COG2: variants seen among roughly 807,000 people sequenced by gnomAD.
COG2 encodes conserved oligomeric Golgi complex subunit 2.
COG2 carries 52 observed loss-of-function variants against 90.6 expected under a neutral mutation model. That is an observed-to-expected ratio of 0.57 (90% CI 0.46 to 0.72). The LOEUF is 0.72. COG2 is among the 30% of genes least tolerant of loss of function. COG2 has a pLI of 0.00. For synonymous variants in COG2, 337 were observed against 320.4 expected (o/e 1.05, Z -0.55); for missense variants, 829 against 891.2 (o/e 0.93, Z 0.89).
Position 230,683,421 on chromosome 1 carries a change from A to C in COG2, c.1167-153A>C, listed in dbSNP as rs531366707. The C allele has an allele frequency of 3.7e-5, 21 of 564,442 alleles. 1 individual carries two copies. The highest frequency in any genetic ancestry group is 3.6e-4 in the African/African-American group (19 of 52,770). 35.0% of individuals were successfully genotyped at this position (564,442 alleles called of 1,614,324 possible). A position where few individuals can be genotyped will look rare whatever the true frequency, so the allele number is the denominator to read the frequency against. ...TTTCTTGTTCAGTTAAAAAAAAAAA[A>C]AAAAAAAAGCCTGGGAGAATAGGCA... On this transcript the variant is annotated intron_variant, in intron 10 of 17. Transcript: ENST00000366669.
chr1:230,686,883 C>A, intron 12 of COG2, 52 bp from the exon 13 acceptor site: 4 of 1,177,444 alleles, frequency 3.4e-6, no homozygotes, highest in Non-Finnish European at 4.8e-6. Flanking sequence ...TATATAAATG[C>A]TCATGTATCT....
intron 2 of COG2, 125 bp downstream of exon 2, chr1:230,659,750 A>C: frequency 1.1e-6 from 1 of 909,112 alleles, no homozygotes; most frequent in Non-Finnish European, 1.6e-6. Context: ...ATTTGAAGAG[A>C]TCCCTAATGT....
chr1:230,670,315 G>A (rs1178544130), intron 7 of COG2: 2 of 152,160 alleles, frequency 1.3e-5, no homozygotes, highest in Admixed American at 6.5e-5. Flanking sequence ...GCCCGTCCTC[G>A]GTGTTTGGGG....
rs780311801 is a variant in COG2, at chr1:230,687,020, A to G, written c.1466A>G (p.Gln489Arg). The G allele has an allele frequency of 3.7e-6, 6 of 1,611,868 alleles. No individual in the cohort carries two copies. Among genetic ancestry groups the G allele is most frequent in the Non-Finnish European group, 4.2e-6 (5 of 1,178,702 alleles). ...VTGSKEPSIT[Q>R]GNTEDQGSGP... is the part of the protein sequence containing the mutation. The stretch of plus-strand genomic sequence containing the variant: ...GGTAGCAAAGAACCTTCCATCACCC[A>G]AGGAAACACTGAAGACCAAGGAAGT... Residue 489 changes from glutamine (Q) to arginine (R), a missense_variant, in exon 13 of 18, where the codon CAA (glutamine) becomes CGA (arginine). Physicochemically the swap from Gln to Arg is conservative, Grantham distance 43. Coordinates refer to ENST00000366669, the MANE Select transcript of COG2 (RefSeq NM_007357.3).
intron 9 of COG2, among the ~76,000 whole-genome samples, chr1:230,675,527 C>G (rs192406584): frequency 2.7e-4 from 41 of 152,208 alleles, no homozygotes; most frequent in African/African-American, 6.3e-4. Flanking sequence ...TTTCCAGCAG[C>G]AAGTACAAAG....
In COG2 at chr1:230,669,337, TACCCA is replaced by T; in HGVS notation, c.595-18_595-14del. Reference sequence around the variant, plus strand: ...TTACAACTAGAGCTTTTTTTTTATTTACCCACCTTTTCTTGCAGCGTATAGCTGGC... The same window carrying T: ...TTACAACTAGAGCTTTTTTTTTATTTCCTTTTCTTGCAGCGTATAGCTGGC... On this transcript the variant is annotated splice_polypyrimidine_tract_variant and intron_variant, in intron 6 of 17. Coordinates refer to ENST00000366669, the MANE Select transcript of COG2 (RefSeq NM_007357.3). 3.2e-6 allele frequency: 5 copies of T among 1,587,242 alleles called. No individual in the cohort carries two copies. Among genetic ancestry groups the T allele is most frequent in the Admixed American group, 3.6e-5 (2 of 55,736 alleles).
At chr1:230,675,251 A>G (rs771335939) in intron 9 of COG2, 127 bp downstream of exon 9, 7 of 1,038,964 alleles carry the variant, frequency 6.7e-6, no homozygotes, top group Non-Finnish European at 9.3e-6. Flanking sequence ...TGCTAAGTGA[A>G]CATTTAACCT....
At position 230,642,611 on chromosome 1, in the gene COG2, A is replaced by T. The variant is rs1219480880; in HGVS notation, c.5A>T (p.Glu2Val). The T allele has an allele frequency of 6.2e-7, 1 of 1,611,930 alleles. No individual in the cohort carries two copies. The highest frequency in any genetic ancestry group is 1.7e-5 in the Admixed American group (1 of 59,870). ...TGAGAGGCGGTGGCCGGCGGGATGG[A>T]GAAAAGTAGGATGAACCTGCCCAAG... M[E>V]KSRMNLPKGP... The change falls in exon 1 of 18, where the codon GAG becomes GTG. Residue 2 changes from glutamate to valine, a missense_variant. Physicochemically the swap from Glu to Val is moderately radical, Grantham distance 121. Transcript: ENST00000366669.
Position 230,675,659 on chromosome 1 carries a change from T to C in COG2, c.1026+535T>C, listed in dbSNP as rs1662572159. On this transcript the variant is annotated intron_variant, in intron 9 of 17. Transcript: ENST00000366669. ...TATTTTATTATTACTATTACTATTT[T>C]TGAAACAGGGTCTTACTGTGTTGCC... Among the ~76,000 whole-genome samples, 9 of 152,196 alleles carry C rather than the reference T, an allele frequency of 5.9e-5. No individual in the cohort carries two copies. The South Asian group carries it at 1.9e-3, about 31-fold the overall frequency.
chr1:230,663,326 C>A, intron 4 of COG2, 105 bp downstream of exon 4: 2 of 598,002 alleles, frequency 3.3e-6, no homozygotes, highest in South Asian at 3.3e-5. Context: ...GATACCTTTG[C>A]AGAGAGGAGT....
intron 10 of COG2, 49 bp downstream of exon 10, chr1:230,679,101 T>C (rs1662670210): frequency 1.3e-6 from 2 of 1,546,652 alleles, no homozygotes; most frequent in Non-Finnish European, 1.8e-6. Context: ...TAAAACAGAA[T>C]TGGAATGCCA....
At position 230,654,745 on chromosome 1, in the gene COG2, A is replaced by G. The variant is rs546733748; in HGVS notation, c.73-4719A>G. On this transcript the variant is annotated intron_variant, in intron 1 of 17. Coordinates refer to ENST00000366669, the MANE Select transcript of COG2 (RefSeq NM_007357.3). Reference sequence around the variant, plus strand: ...ATCCATGAGCATGGAATGTTTTTCCATTTGTTTGTGTCCTCTCTTATTTCC... The same window carrying G: ...ATCCATGAGCATGGAATGTTTTTCCGTTTGTTTGTGTCCTCTCTTATTTCC... Among the ~76,000 whole-genome samples the G allele has an allele frequency of 1.8e-4, 27 of 152,266 alleles. No homozygotes were observed. The South Asian group carries it at 2.5e-3, about 14-fold the overall frequency.
intron 9 of COG2, chr1:230,678,351 T>C: frequency 6.1e-6 from 6 of 985,446 alleles, no homozygotes; most frequent in Non-Finnish European, 7.2e-6. Flanking sequence ...GGGGTCGTTT[T>C]GTGGGTTAAA....
At chr1:230,649,927 C>T (rs1661872367) in intron 1 of COG2, among the ~76,000 whole-genome samples, 1 of 152,148 alleles carries the variant, frequency 6.6e-6, no homozygotes, top group South Asian at 2.1e-4. Flanking sequence ...TTTATGTCCA[C>T]ATATACCCAT....
At chr1:230,665,056 A>C (rs1384937251) in intron 5 of COG2, among the ~76,000 whole-genome samples, 1 of 152,232 alleles carries the variant, frequency 6.6e-6, no homozygotes, top group Non-Finnish European at 1.5e-5. Flanking sequence ...AAATAAGCAA[A>C]AGATGACTGT....
rs898482785 is a variant in COG2, at chr1:230,685,115, A to G, written c.1259A>G (p.His420Arg). The change falls in exon 12 of 18, where the codon CAT (histidine) becomes CGT (arginine). Residue 420 changes from histidine to arginine, a missense_variant. Physicochemically the swap from His to Arg is conservative, Grantham distance 29. Coordinates refer to ENST00000366669, the MANE Select transcript of COG2 (RefSeq NM_007357.3). The part of the protein sequence containing the change: ...AESPYCLLAS[H>R]RTWSSLRRCW... Reference sequence around the variant, plus strand: ...AGTCCGTATTGCCTTTTGGCTTCTCATAGAACTTGGAGCAGCCTTAGGAGG... The same window carrying G: ...AGTCCGTATTGCCTTTTGGCTTCTCGTAGAACTTGGAGCAGCCTTAGGAGG... 8 of 1,614,142 alleles carry G rather than the reference A, an allele frequency of 5.0e-6. No individual in the cohort carries two copies. The highest frequency in any genetic ancestry group is 6.8e-6 in the Non-Finnish European group (8 of 1,180,018).
intron 1 of COG2, among the ~76,000 whole-genome samples, chr1:230,656,032 T>A (rs1055316513): frequency 1.3e-5 from 2 of 152,178 alleles, no homozygotes; most frequent in Non-Finnish European, 2.9e-5. Flanking sequence ...ATTTTGTTGA[T>A]CTTTTCAAAA....
chr1:230,671,490 T>C, intron 7 of COG2, 26 bp from the exon 8 acceptor site: 1 of 1,592,024 alleles, frequency 6.3e-7, no homozygotes, highest in Non-Finnish European at 8.5e-7. Context: ...AAATGCTTTT[T>C]TAAAAAATGA....
In COG2 at chr1:230,660,827, A is replaced by T; in HGVS notation, c.300+4A>T. On this transcript the variant is annotated splice_donor_region_variant and intron_variant, in intron 3 of 17. Transcript: ENST00000366669. ...ACAATTACGAGAAGAGGTTCTGGTA[A>T]GTTTCCCGAATAACATCAAACAGTT... 1 of 1,566,476 alleles carries T rather than the reference A, an allele frequency of 6.4e-7. No homozygotes were observed. Among genetic ancestry groups the T allele is most frequent in the Non-Finnish European group, 8.6e-7 (1 of 1,156,386 alleles).
Sources: allele counts gnomAD v4.1 joint callset (sites outside exome capture counted in the v4.1 genomes callset), GRCh38; gene constraint gnomAD v4.1.1; transcripts MANE v1.5; gene names NCBI Gene and HGNC (gene_info 2026-07-23, HGNC 2026-07-21).